Variants in CDKL4 observed in about 807,000 individuals in gnomAD.
CDKL4 encodes the protein cyclin dependent kinase like 4, also known as cyclin-dependent kinase-like 4.
A neutral mutation model predicts 42.0 loss-of-function variants in CDKL4; 44 were observed. The ratio of observed to expected loss-of-function variants is 1.05; its 90% CI spans 0.82 to 1.35. CDKL4 has a LOEUF of 1.35. Among genes scored for constraint, CDKL4 ranks in the 40% most tolerant of loss-of-function variants. The pLI is 0.00. For missense variants in CDKL4, 393 were observed against 369.9 expected, an observed-to-expected ratio of 1.06 and a Z score of -0.51; for synonymous variants, 120 against 121.6, an observed-to-expected ratio of 0.99 and a Z score of 0.09.
intron 8 of CDKL4, among the ~76,000 whole-genome samples, chr2:39,179,621 T>C (rs1675322730): frequency 6.6e-6 from 1 of 152,234 alleles, no homozygotes; most frequent in African/African-American, 2.4e-5. Flanking sequence ...TTTATAGCAG[T>C]CTGCAGAGTA....
intron 5 of CDKL4, among the ~76,000 whole-genome samples, chr2:39,195,641 A>ATTTTTT (rs770948985): frequency 1.5e-5 from 2 of 131,444 alleles, no homozygotes; most frequent in African/African-American, 5.7e-5. Context: ...TTTTTAATTA[A>ATTTTTT]TTTTTTTTTT....
chr2:39,173,447 C>A (rs1455495147), downstream of CDKL4, among the ~76,000 whole-genome samples: 2 of 151,968 alleles, frequency 1.3e-5, no homozygotes, highest in African/African-American at 4.8e-5. Context: ...AAGGGCCAGG[C>A]AGGGAGATTG....
intron 3 of CDKL4, among the ~76,000 whole-genome samples, chr2:39,222,895 T>C (rs58351262): frequency 1.3e-5 from 2 of 152,174 alleles, no homozygotes; most frequent in East Asian, 3.8e-4. Context: ...TAAGTCAACA[T>C]ACAACATCCT....
At chr2:39,177,637 G>C (rs1287186425) in intron 9 of CDKL4, among the ~76,000 whole-genome samples, 2 of 143,782 alleles carry the variant, frequency 1.4e-5, no homozygotes, top group Non-Finnish European at 3.0e-5. Context: ...ACTCCTGACC[G>C]AGTGATCCAC....
chr2:39,243,850 A>G (rs7607761), intron 1 of CDKL4, among the ~76,000 whole-genome samples, 21 bp downstream of exon 1: 128,820 of 152,286 alleles, frequency 0.85, 54,693 homozygotes, highest in Non-Finnish European at 0.89. Flanking sequence ...TTCCCCCGCC[A>G]CCGGCAGAAT....
chr2:39,193,128 TAAA>T (rs747083150), intron 5 of CDKL4, among the ~76,000 whole-genome samples: 3 of 83,492 alleles, frequency 3.6e-5, no homozygotes, highest in Non-Finnish European at 4.7e-5. Flanking sequence ...ACTCCATCTC[TAAA>T]AAAAAAAAAA....
At chr2:39,240,241 C>T (rs1287239373) in intron 1 of CDKL4, among the ~76,000 whole-genome samples, 1 of 111,838 alleles carries the variant, frequency 8.9e-6, no homozygotes, top group Non-Finnish European at 2.0e-5. Context: ...GACACCCCGT[C>T]TCTACTTAAA....
chr2:39,185,427 CATATGTATATATACATGTATATATACAT>C (rs1675760358), intron 7 of CDKL4, among the ~76,000 whole-genome samples: 1 of 10,090 alleles, frequency 9.9e-5, no homozygotes. Context: ...TATATATATA[CATATGTATATATACATGTATATATACAT>C]ATGTGTATAT....
chr2:39,193,384 A>ATTG (rs1414831530), intron 5 of CDKL4, among the ~76,000 whole-genome samples: 1 of 148,874 alleles, frequency 6.7e-6, no homozygotes, highest in African/African-American at 2.5e-5. Flanking sequence ...TATTATTATT[A>ATTG]TTGTTTTTGA....
intron 1 of CDKL4, among the ~76,000 whole-genome samples, chr2:39,237,850 G>A (rs1347179085): frequency 2.6e-5 from 4 of 152,064 alleles, no homozygotes; most frequent in African/African-American, 7.2e-5. Flanking sequence ...TAATCACCAA[G>A]TTTGCAGTGA....
At chr2:39,196,394 G>A (rs1055599886) in intron 5 of CDKL4, among the ~76,000 whole-genome samples, 1 of 152,090 alleles carries the variant, frequency 6.6e-6, no homozygotes, top group African/African-American at 2.4e-5. Context: ...TAGCTTCTCT[G>A]GGTGGCTAGA....
intron 8 of CDKL4, among the ~76,000 whole-genome samples, chr2:39,180,190 G>GTGAGACTGGA (rs1675356314): frequency 6.6e-6 from 1 of 152,186 alleles, no homozygotes; most frequent in South Asian, 2.1e-4. Context: ...ACCAGCCTGG[G>GTGAGACTGGA]TAACATAGTG....
intron 2 of CDKL4, among the ~76,000 whole-genome samples, chr2:39,226,434 AATTATATAT>A (rs559756613): frequency 3.9e-5 from 4 of 101,572 alleles, no homozygotes; most frequent in African/African-American, 3.2e-5. Context: ...TATTTATATA[AATTATATAT>A]ATTATATATA....
At chr2:39,168,814 T>A in the CDKL4 span, among the ~76,000 whole-genome samples, 1 of 150,160 alleles carries the variant, frequency 6.7e-6, no homozygotes, top group Non-Finnish European at 1.5e-5. Flanking sequence ...TGGAGTGCAG[T>A]GGCGCAATCT....
intron 8 of CDKL4, among the ~76,000 whole-genome samples, chr2:39,182,275 G>A (rs922126927): frequency 6.6e-6 from 1 of 152,188 alleles, no homozygotes; most frequent in African/African-American, 2.4e-5. Context: ...ACAGGCATGA[G>A]CCACCATGCC....
At chr2:39,242,874 G>C (rs1354671990) in intron 1 of CDKL4, among the ~76,000 whole-genome samples, 1 of 152,008 alleles carries the variant, frequency 6.6e-6, no homozygotes, top group Non-Finnish European at 1.5e-5. Context: ...GAGGCGGGTG[G>C]AGCACTTGAA....
upstream of CDKL4, among the ~76,000 whole-genome samples, chr2:39,244,692 C>A (rs1312201578): frequency 1.3e-5 from 2 of 152,256 alleles, no homozygotes; most frequent in Non-Finnish European, 2.9e-5. Context: ...GGCAGCTCCA[C>A]CTGCAGCCCC....
chr2:39,212,150 C>A lies in CDKL4; in HGVS notation c.363+1250G>T, dbSNP rs147003936. Among the ~76,000 whole-genome samples, 109 of 152,180 alleles carry A rather than the reference C, an allele frequency of 7.2e-4. No individual in the cohort carries two copies. The East Asian group carries it at 0.013, about 19-fold the overall frequency. On this transcript the variant is annotated intron_variant, in intron 4 of 9. Transcript: ENST00000451199. ...GAATCAGAAACTCTGGGGGTGGGGC[C>A]CAGGAAGCTGTGTTTTAACAAGCCC...
chr2:39,171,926 C>T (rs949150732), downstream of CDKL4, among the ~76,000 whole-genome samples: 1 of 152,204 alleles, frequency 6.6e-6, no homozygotes, highest in African/African-American at 2.4e-5. Flanking sequence ...GATCCAGAAA[C>T]TGCACAAGAG....
Sources: allele counts gnomAD v4.1 joint callset (sites outside exome capture counted in the v4.1 genomes callset), GRCh38; gene constraint gnomAD v4.1.1; transcripts MANE v1.5; gene names NCBI Gene and HGNC (gene_info 2026-07-23, HGNC 2026-07-21).